Variants in NPAS2 observed in about 807,000 individuals in gnomAD.
NPAS2 encodes neuronal PAS domain protein 2.
NPAS2 carries 23 observed loss-of-function variants against 107.5 expected under a neutral mutation model. That is an observed-to-expected ratio of 0.21 (90% CI 0.15 to 0.30). The LOEUF (loss-of-function observed/expected upper bound fraction) is 0.30, where lower values mean the gene tolerates loss of function less well. Ranked by LOEUF, NPAS2 falls within the 10% of genes least tolerant of loss-of-function variation. The probability of loss-of-function intolerance (pLI) is 1.00; values close to 1 mark genes in which losing one functional copy is unlikely to be tolerated. For synonymous variants in NPAS2, 403 were observed against 417.5 expected (o/e 0.97, Z 0.42); for missense variants, 756 against 1,043.3 (o/e 0.72, Z 3.79).
chr2:100,819,080 CCT>C (rs903568942), upstream of NPAS2, among the ~76,000 whole-genome samples: 7 of 152,234 alleles, frequency 4.6e-5, no homozygotes, highest in Admixed American at 6.5e-5. This position sits in a 1 kb window ranked among gnomAD's most constrained non-coding sequence, Gnocchi z 5.8. Context: ...TAAAATCCTC[CCT>C]GTTTCTCGCG....
At chr2:100,859,838 A>G (rs1043093849) in intron 1 of NPAS2, among the ~76,000 whole-genome samples, 5 of 152,186 alleles carry the variant, frequency 3.3e-5, no homozygotes, top group African/African-American at 1.2e-4. Flanking sequence ...GAATAGGGCA[A>G]CTAGCTTCCT....
At chr2:100,839,520 C>G (rs1460701595) in intron 1 of NPAS2, among the ~76,000 whole-genome samples, 1 of 152,026 alleles carries the variant, frequency 6.6e-6, no homozygotes, top group African/African-American at 2.4e-5. Flanking sequence ...AACATTTTTT[C>G]TCTAGCTTAG....
At chr2:100,975,847 T>G in intron 14 of NPAS2, 1 of 344,726 alleles carries the variant, frequency 2.9e-6, no homozygotes. Flanking sequence ...CATACCCTCA[T>G]ACCCCCAGAG....
intron 2 of NPAS2, among the ~76,000 whole-genome samples, chr2:100,921,486 T>C (rs1397072375): frequency 1.1e-5 from 1 of 90,208 alleles, no homozygotes; most frequent in East Asian, 2.7e-4. Flanking sequence ...CAAAAATCAA[T>C]ATCCATGTAT....
intron 1 of NPAS2, among the ~76,000 whole-genome samples, chr2:100,894,539 G>A (rs1171253742): frequency 6.6e-5 from 10 of 152,100 alleles, no homozygotes; most frequent in Non-Finnish European, 2.9e-5. Context: ...AGAGCCGCGG[G>A]CACACAGGCT....
intron 1 of NPAS2, among the ~76,000 whole-genome samples, chr2:100,889,859 G>T (rs941944812): frequency 2.6e-4 from 40 of 152,116 alleles, no homozygotes; most frequent in African/African-American, 9.4e-4. Flanking sequence ...TTTTAAAAAT[G>T]GTGAATTAAT....
intron 1 of NPAS2, among the ~76,000 whole-genome samples, chr2:100,873,022 G>A (rs1679672543): frequency 6.6e-6 from 1 of 151,732 alleles, no homozygotes; most frequent in Non-Finnish European, 1.5e-5. Context: ...TTGAAAACTG[G>A]CCAGGCGCAG....
chr2:100,899,387 TA>T (rs1681631075), intron 1 of NPAS2, among the ~76,000 whole-genome samples: 1 of 152,024 alleles, frequency 6.6e-6, no homozygotes, highest in Non-Finnish European at 1.5e-5. Context: ...TCACATGGGC[TA>T]ATTTTTGTAT....
chr2:100,853,277 G>A (rs1010866952), intron 1 of NPAS2, among the ~76,000 whole-genome samples: 3 of 152,204 alleles, frequency 2.0e-5, no homozygotes, highest in Non-Finnish European at 2.9e-5. Flanking sequence ...GTAAGCGAAC[G>A]AATCTTGGTT....
intron 1 of NPAS2, among the ~76,000 whole-genome samples, chr2:100,821,647 C>T (rs1425972698): frequency 6.6e-6 from 1 of 152,202 alleles, no homozygotes; most frequent in African/African-American, 2.4e-5. Flanking sequence ...CTCTCTCTCA[C>T]TGTAGCTTGG....
intron 17 of NPAS2, chr2:100,989,036 T>A (rs568309168): frequency 2.4e-4 from 51 of 212,384 alleles, no homozygotes; most frequent in Non-Finnish European, 4.5e-4. Flanking sequence ...TGCCAAACCC[T>A]TGTAGCCATT....
At position 100,980,553 on chromosome 2, in the gene NPAS2, T is replaced by C. The variant is rs137894664; in HGVS notation, c.1483-1678T>C. On this transcript the variant is annotated intron_variant, in intron 15 of 20. Coordinates refer to ENST00000335681, the MANE Select transcript of NPAS2 (RefSeq NM_002518.4). ...TGTGCAATCTCGGCTCACTGCAACC[T>C]CTGCCTCCCGGATTCAAGCAATTCT... Among the ~76,000 whole-genome samples, 1,173 of 152,186 alleles carry C rather than the reference T, an allele frequency of 7.7e-3. 19 individuals carry two copies. Among genetic ancestry groups the C allele is most frequent in the African/African-American group, 0.026 (1,100 of 41,514 alleles).
chr2:100,944,940 C>T (rs182624187), intron 5 of NPAS2, among the ~76,000 whole-genome samples: 29 of 152,248 alleles, frequency 1.9e-4, no homozygotes, highest in African/African-American at 6.3e-4. Context: ...TCAGATGGAG[C>T]CCTCCAAGAA....
At chr2:100,943,560 C>T (rs13010122) in intron 5 of NPAS2, among the ~76,000 whole-genome samples, 50,326 of 152,098 alleles carry the variant, frequency 0.33, 8,622 homozygotes, top group Middle Eastern at 0.5. Flanking sequence ...CAGATACTCA[C>T]AGCCCAGATG....
intron 2 of NPAS2, among the ~76,000 whole-genome samples, chr2:100,918,022 A>G (rs1471740231): frequency 6.6e-6 from 1 of 151,542 alleles, no homozygotes; most frequent in Non-Finnish European, 1.5e-5. Context: ...TGTAGATACA[A>G]AATTTCTCAA....
chr2:100,978,783 G>A (rs1239414522), intron 15 of NPAS2, among the ~76,000 whole-genome samples: 1 of 152,236 alleles, frequency 6.6e-6, no homozygotes, highest in Non-Finnish European at 1.5e-5. Flanking sequence ...ACCCAGGGAA[G>A]TCTGACGTGG....
At chr2:100,822,178 G>A (rs1288318427) in intron 1 of NPAS2, among the ~76,000 whole-genome samples, 1 of 152,148 alleles carries the variant, frequency 6.6e-6, no homozygotes, top group African/African-American at 2.4e-5. Context: ...GGTGAAAGAA[G>A]GAAATACGTT....
chr2:100,919,196 G>A (rs1225033833), intron 2 of NPAS2, among the ~76,000 whole-genome samples: 1 of 152,206 alleles, frequency 6.6e-6, no homozygotes, highest in South Asian at 2.1e-4. Flanking sequence ...CATAGGGATG[G>A]AGAACAGAAC....
intron 1 of NPAS2, among the ~76,000 whole-genome samples, chr2:100,872,990 A>G (rs772627796): frequency 2.0e-5 from 3 of 151,922 alleles, no homozygotes; most frequent in Non-Finnish European, 4.4e-5. Flanking sequence ...GAATGAATAA[A>G]TGAATGCCAG....
Sources: gnomAD v4.1 joint callset for allele counts (sites outside exome capture counted in the v4.1 genomes callset) on GRCh38, gnomAD v4.1.1 for gene constraint, Gnocchi (gnomAD v3.1) non-coding constraint, MANE v1.5 for transcripts, NCBI Gene and HGNC (gene_info 2026-07-23, HGNC 2026-07-21) for gene names.